The following ASCC3 variants were observed in gnomAD, a reference collection of about 807,000 sequenced individuals.
The protein encoded by ASCC3 is ASC-1 complex subunit P200.
In ASCC3, 158 loss-of-function variants were observed where a neutral mutation model predicts 256.3. That is an observed-to-expected ratio of 0.62 (90% CI 0.54 to 0.70). ASCC3 has a LOEUF of 0.70. Ranked by LOEUF, ASCC3 falls within the 30% of genes least tolerant of loss-of-function variation. The probability of loss-of-function intolerance (pLI) is 0.00; values close to 1 mark genes in which losing one functional copy is unlikely to be tolerated. For missense variants in ASCC3, 2,259 were observed against 2,626.0 expected (o/e 0.86, Z 3.05); for synonymous variants, 948 against 883.4 (o/e 1.07, Z -1.30).
intron 30 of ASCC3, among the ~76,000 whole-genome samples, chr6:100,608,138 ATATATATCTATATATACATATT>A (rs1773062510): frequency 8.0e-6 from 1 of 124,286 alleles, no homozygotes; most frequent in Non-Finnish European, 1.6e-5. Flanking sequence ...ATATATATGT[ATATATATCTATATATACATATT>A]TATATACATA....
intron 36 of ASCC3, among the ~76,000 whole-genome samples, chr6:100,553,400 G>A (rs576433440): frequency 1.7e-4 from 26 of 152,140 alleles, no homozygotes; most frequent in African/African-American, 6.3e-4. Flanking sequence ...CATCATGTAG[G>A]TAATTAGAGG....
chr6:100,591,596 T>G (rs921945105), intron 34 of ASCC3, among the ~76,000 whole-genome samples: 1 of 152,020 alleles, frequency 6.6e-6, no homozygotes, highest in Non-Finnish European at 1.5e-5. Flanking sequence ...AGTAGTAGGA[T>G]TTGTAGAGTA....
rs1167405450 is a variant in ASCC3, at chr6:100,608,207, A to G, written c.4786-1119T>C. On this transcript the variant is annotated intron_variant, in intron 30 of 41. Coordinates refer to ENST00000369162, the MANE Select transcript of ASCC3 (RefSeq NM_006828.4). ...GTGTGTATATATATACTTTATATATATACTTTATATATATACTTTATATAC... is the reference window on the plus strand; with the variant it reads ...GTGTGTATATATATACTTTATATATGTACTTTATATATATACTTTATATAC... Among the ~76,000 whole-genome samples, 10 of 51,976 alleles carry G rather than the reference A, an allele frequency of 1.9e-4. 2 individuals carry two copies. The highest frequency in any genetic ancestry group is 8.8e-4 in the African/African-American group (10 of 11,384). The allele number at this position is 51,976 out of a possible 152,430, so 34.1% of individuals were successfully genotyped here.
rs1769159874 is a variant in ASCC3 at position 100,879,245 on chromosome 6, G to T, written c.-42+1816C>A. Among the ~76,000 whole-genome samples the T allele has an allele frequency of 2.0e-5, 3 of 152,318 alleles. No homozygotes were observed. The South Asian group carries it at 6.2e-4, about 32-fold the overall frequency. ...ACCTCAAGGAATCTCCACATGTTCA[G>T]CTTTCAGAAGCTTTATGAACCCTGT... On this transcript the variant is annotated intron_variant, in intron 1 of 41. Coordinates refer to ENST00000369162, the MANE Select transcript of ASCC3 (RefSeq NM_006828.4).
intron 4 of ASCC3, among the ~76,000 whole-genome samples, chr6:100,820,841 G>A (rs1228576405): frequency 6.6e-6 from 1 of 152,050 alleles, no homozygotes; most frequent in African/African-American, 2.4e-5. Flanking sequence ...TTTCTGCATG[G>A]ACTATACACG....
Position 100,799,559 on chromosome 6 carries a change from G to C in ASCC3, c.1141C>G (p.Leu381Val). The change falls in exon 7 of 42, where the codon CTG becomes GTG. Residue 381 changes from leucine (L) to valine (V), a missense_variant. Coordinates refer to ENST00000369162, the MANE Select transcript of ASCC3 (RefSeq NM_006828.4). ...ELRIQREQAL[L>V]NARSVPILSR... The stretch of plus-strand genomic sequence containing the variant: ...AGAATTGGAACACTTCTAGCATTCA[G>C]AAGTGCCTGTTCTCTGTAAACATAA... The C allele has an allele frequency of 1.9e-6, 3 of 1,612,414 alleles. No individual in the cohort carries two copies. The highest frequency in any genetic ancestry group is 1.7e-4 in the Middle Eastern group (1 of 6,050).
At chr6:100,535,398 T>C (rs1775108840) in intron 37 of ASCC3, among the ~76,000 whole-genome samples, 1 of 152,068 alleles carries the variant, frequency 6.6e-6, no homozygotes. Context: ...CTGGCTTGTT[T>C]ACTTTCACAC....
At chr6:100,678,961 T>C (rs975489732) in intron 14 of ASCC3, among the ~76,000 whole-genome samples, 2 of 152,202 alleles carry the variant, frequency 1.3e-5, no homozygotes, top group East Asian at 1.9e-4. Flanking sequence ...TAAAACCTGA[T>C]ATAAATCTTA....
chr6:100,828,092 T>TA (rs10684305), intron 4 of ASCC3, among the ~76,000 whole-genome samples: 16,166 of 125,282 alleles, frequency 0.13, 1,420 homozygotes, highest in South Asian at 0.36. Context: ...CAGTATTTTC[T>TA]AAAAAAAAAA....
chr6:100,858,168 G>A (rs1038313291), intron 3 of ASCC3: 14 of 457,256 alleles, frequency 3.1e-5, no homozygotes, highest in East Asian at 1.5e-4. Flanking sequence ...AATGTATTAC[G>A]TTACATAAAG....
chr6:100,563,351 G>C (rs569964793), intron 36 of ASCC3, among the ~76,000 whole-genome samples: 2 of 152,182 alleles, frequency 1.3e-5, no homozygotes, highest in South Asian at 4.1e-4. Context: ...TCTTAATCTA[G>C]CTGAAGTTTA....
chr6:100,629,696 A>G (rs1411364709), intron 26 of ASCC3, among the ~76,000 whole-genome samples: 1 of 152,180 alleles, frequency 6.6e-6, no homozygotes, highest in Non-Finnish European at 1.5e-5. Context: ...TTTTATAGCC[A>G]AAATGAAATG....
In ASCC3 at chr6:100,652,739, ATTT is replaced by A; in HGVS notation, c.2971_2973del (p.Lys991del). 9 of 1,613,756 alleles carry A rather than the reference ATTT, an allele frequency of 5.6e-6. No individual in the cohort carries two copies. Among genetic ancestry groups the A allele is most frequent in the Non-Finnish European group, 7.6e-6 (9 of 1,179,824 alleles). ...TAGTATAATACCTCAATGGTGTTGT[ATTT>A]AATATAGTAATGGCTGGCAGTTCTA... On this transcript the variant is annotated inframe_deletion, in exon 18 of 42. Coordinates refer to ENST00000369162, the MANE Select transcript of ASCC3 (RefSeq NM_006828.4).
intron 33 of ASCC3, among the ~76,000 whole-genome samples, chr6:100,604,756 T>C (rs1195680471): frequency 6.6e-6 from 1 of 152,046 alleles, no homozygotes; most frequent in Non-Finnish European, 1.5e-5. Flanking sequence ...TTTTTAAGTT[T>C]TTAAAATCAA....
At chr6:100,666,832 A>C (rs760494284) in intron 14 of ASCC3, among the ~76,000 whole-genome samples, 1 of 152,156 alleles carries the variant, frequency 6.6e-6, no homozygotes, top group Non-Finnish European at 1.5e-5. Context: ...CAAATTTATG[A>C]AACATGATAG....
At chr6:100,614,612 T>C (rs1773568185) in intron 30 of ASCC3, among the ~76,000 whole-genome samples, 1 of 152,168 alleles carries the variant, frequency 6.6e-6, no homozygotes, top group Non-Finnish European at 1.5e-5. Flanking sequence ...CCAAGAAGCC[T>C]GGCTCCAGTC....
intron 3 of ASCC3, chr6:100,858,044 T>C (rs1288552705): frequency 1.1e-5 from 2 of 183,672 alleles, no homozygotes; most frequent in Non-Finnish European, 2.1e-5. Flanking sequence ...TCTCTCAATA[T>C]TTTAGTTTTC....
At chr6:100,650,136 A>G (rs1260581065) in intron 20 of ASCC3, among the ~76,000 whole-genome samples, 1 of 151,412 alleles carries the variant, frequency 6.6e-6, no homozygotes, top group African/African-American at 2.4e-5. Flanking sequence ...ATTATTTCTA[A>G]TATTTGGTAA....
chr6:100,541,351 A>C (rs1377502290), intron 36 of ASCC3, among the ~76,000 whole-genome samples: 2 of 152,158 alleles, frequency 1.3e-5, no homozygotes, highest in African/African-American at 4.8e-5. Context: ...GCTGAACATA[A>C]AACTATGAAA....
Sources: gnomAD v4.1 joint callset for allele counts (sites outside exome capture counted in the v4.1 genomes callset) on GRCh38, gnomAD v4.1.1 for gene constraint, MANE v1.5 for transcripts, NCBI Gene and HGNC (gene_info 2026-07-23, HGNC 2026-07-21) for gene names.